The following ZNF536 variants were observed in gnomAD, a reference collection of about 807,000 sequenced individuals.
ZNF536 encodes zinc finger protein 536.
A neutral mutation model predicts 84.5 loss-of-function variants in ZNF536; 13 were observed. The ratio of observed to expected loss-of-function variants is 0.15; its 90% CI spans 0.10 to 0.24. ZNF536 has a LOEUF of 0.24. ZNF536 is among the 10% of genes least tolerant of loss of function. The pLI is 1.00. For missense variants in ZNF536, 1,536 were observed against 1,747.5 expected (o/e 0.88, Z 2.16); for synonymous variants, 811 against 742.5 (o/e 1.09, Z -1.50).
At chr19:30,454,982 G>A (rs1220094843) in intron 2 of ZNF536, among the ~76,000 whole-genome samples, 5 of 152,154 alleles carry the variant, frequency 3.3e-5, no homozygotes, top group Non-Finnish European at 7.4e-5. Flanking sequence ...GCGGTGAGCC[G>A]AGATCAAGCC....
At chr19:30,606,727 C>T (rs577582091) in intron 1 of ZNF536, among the ~76,000 whole-genome samples, 3 of 152,222 alleles carry the variant, frequency 2.0e-5, no homozygotes, top group African/African-American at 7.2e-5. Flanking sequence ...TGGCTAGAGT[C>T]TGGGCTCTGC....
At chr19:30,344,596 A>C (rs997618768) in intron 2 of ZNF536, among the ~76,000 whole-genome samples, 1 of 151,914 alleles carries the variant, frequency 6.6e-6, no homozygotes, top group Non-Finnish European at 1.5e-5. Flanking sequence ...CCCCTGTCCA[A>C]CGCTGGGCCT....
At chr19:30,607,560 A>C (rs1274483478) in intron 1 of ZNF536, among the ~76,000 whole-genome samples, 1 of 151,992 alleles carries the variant, frequency 6.6e-6, no homozygotes, top group Non-Finnish European at 1.5e-5. Flanking sequence ...TCTCTACTAA[A>C]AATACAGAAA....
chr19:30,395,908 A>AC (rs1380882040), intron 1 of ZNF536, among the ~76,000 whole-genome samples: 1 of 152,200 alleles, frequency 6.6e-6, no homozygotes, highest in Non-Finnish European at 1.5e-5. Context: ...GCTCATCCCC[A>AC]CAATTCCTCG....
chr19:30,479,977 G>A (rs1400958684), intron 2 of ZNF536, among the ~76,000 whole-genome samples: 1 of 152,218 alleles, frequency 6.6e-6, no homozygotes, highest in African/African-American at 2.4e-5. Context: ...GCTGGGCTCT[G>A]GGGATTGCTG....
At chr19:30,315,459 C>T (rs924298807) in intron 2 of ZNF536, among the ~76,000 whole-genome samples, 3 of 152,106 alleles carry the variant, frequency 2.0e-5, no homozygotes, top group African/African-American at 7.2e-5. Flanking sequence ...TGAGCCACCC[C>T]CCTCTGGGCC....
chr19:30,568,043 A>G (rs1464366253), intron 1 of ZNF536, among the ~76,000 whole-genome samples: 1 of 152,240 alleles, frequency 6.6e-6, no homozygotes, highest in East Asian at 1.9e-4. Context: ...TTAAAAACAT[A>G]TGGTGCCTGT....
At chr19:30,372,656 T>G (rs370877191) in intron 1 of ZNF536, 100 bp downstream of exon 1, 4 of 152,296 alleles carry the variant, frequency 2.6e-5, no homozygotes, top group African/African-American at 9.6e-5. Context: ...CCCACCCACA[T>G]GCAGACACGC....
At chr19:30,306,931 C>T (rs1037854308) in intron 2 of ZNF536, among the ~76,000 whole-genome samples, 1 of 152,062 alleles carries the variant, frequency 6.6e-6, no homozygotes, top group Non-Finnish European at 1.5e-5. Flanking sequence ...CTAGAAAATT[C>T]AGTATGTAAA....
rs5827722 is a variant in ZNF536 at position 30,620,347 on chromosome 19, A to AAC, written c.169+70857_169+70858dup. On this transcript the variant is annotated intron_variant, in intron 1 of 1. Coordinates refer to the ZNF536 transcript ENST00000592773. ...TAAACGTTCACTCAAACATTTTTAA[A>AAC]ACACACACACACACACACACACACA... Among the ~76,000 whole-genome samples, 948 of 150,414 alleles carry AAC rather than the reference A, an allele frequency of 6.3e-3. 3 individuals carry two copies. The highest frequency in any genetic ancestry group is 0.02 in the African/African-American group (826 of 41,036).
At chr19:30,277,662 T>C (rs1451671192) in intron 1 of ZNF536, among the ~76,000 whole-genome samples, 1 of 152,232 alleles carries the variant, frequency 6.6e-6, no homozygotes, top group East Asian at 1.9e-4. Context: ...CACACATACA[T>C]GCACATACCC....
chr19:30,608,484 A>C (rs145982217), intron 1 of ZNF536, among the ~76,000 whole-genome samples: 1 of 152,304 alleles, frequency 6.6e-6, no homozygotes, highest in Non-Finnish European at 1.5e-5. Context: ...CCAGAACTTT[A>C]GCCTGGACTG....
chr19:30,353,854 G>A (rs1274616061), intron 3 of ZNF536, among the ~76,000 whole-genome samples: 1 of 152,152 alleles, frequency 6.6e-6, no homozygotes, highest in Non-Finnish European at 1.5e-5. Flanking sequence ...TCTGCCACGC[G>A]GATGCTCACA....
intron 1 of ZNF536, among the ~76,000 whole-genome samples, chr19:30,672,565 T>C (rs552673563): frequency 2.0e-5 from 3 of 152,348 alleles, no homozygotes; most frequent in East Asian, 3.9e-4. Flanking sequence ...TTTGTAGTGA[T>C]GTTTTAATCC....
At chr19:30,239,061 G>T (rs1319159470) in intron 1 of ZNF536, among the ~76,000 whole-genome samples, 1 of 152,164 alleles carries the variant, frequency 6.6e-6, no homozygotes, top group Non-Finnish European at 1.5e-5. Flanking sequence ...GTGGAATTCT[G>T]GGCTGGCTTT....
intron 3 of ZNF536, among the ~76,000 whole-genome samples, chr19:30,546,743 G>A (rs546105027): frequency 6.6e-6 from 1 of 152,342 alleles, no homozygotes; most frequent in South Asian, 2.1e-4. Context: ...AAATAATTGT[G>A]GATATTGACA....
chr19:30,264,964 T>TGAGAGAGA (rs1168287035), intron 1 of ZNF536, among the ~76,000 whole-genome samples: 26 of 68,122 alleles, frequency 3.8e-4, no homozygotes, highest in Middle Eastern at 9.8e-3. Context: ...TGTGTGTGTG[T>TGAGAGAGA]GTGAGAGAGA....
chr19:30,581,987 C>T (rs2146681218), intron 1 of ZNF536, among the ~76,000 whole-genome samples: 1 of 152,158 alleles, frequency 6.6e-6, no homozygotes, highest in African/African-American at 2.4e-5. Flanking sequence ...GAGTTATGTC[C>T]AAGAGTCAGG....
Position 30,614,466 on chromosome 19 carries a change from G to T in ZNF536, c.169+64952G>T, listed in dbSNP as rs193194567. Among the ~76,000 whole-genome samples, 10 of 148,622 alleles carry T rather than the reference G, an allele frequency of 6.7e-5. No homozygotes were observed. In the East Asian group the frequency reaches 2.0e-3, roughly 29 times the overall value. On this transcript the variant is annotated intron_variant, in intron 1 of 1. Transcript: ENST00000592773. ...CAGTGGGGACTGGGCGGGGGCGGGG[G>T]AGAGAGAGAGAGAGAGAAAGTAGGT... is the stretch of plus-strand genomic sequence containing the variant.
Sources: allele counts gnomAD v4.1 joint callset (sites outside exome capture counted in the v4.1 genomes callset), GRCh38; gene constraint gnomAD v4.1.1; transcripts MANE v1.5; gene names NCBI Gene and HGNC (gene_info 2026-07-23, HGNC 2026-07-21).